The following ASTN2 variants were observed in gnomAD, a reference collection of about 807,000 sequenced individuals.
ASTN2 encodes astrotactin 2.
ASTN2 carries 54 observed loss-of-function variants against 139.8 expected under a neutral mutation model. The observed-to-expected ratio is 0.39, with a 90% confidence interval of 0.31 to 0.48. The LOEUF (loss-of-function observed/expected upper bound fraction) is 0.48. Ranked by LOEUF, ASTN2 falls within the 20% of genes least tolerant of loss-of-function variation. The pLI is 0.95. For missense variants in ASTN2, 1,565 were observed against 1,725.1 expected (o/e 0.91, Z 1.64); for synonymous variants, 756 against 719.5 (o/e 1.05, Z -0.81).
chr9:116,713,208 T>G (rs568023618), intron 16 of ASTN2, among the ~76,000 whole-genome samples: 8 of 152,318 alleles, frequency 5.3e-5, no homozygotes, highest in Non-Finnish European at 1.2e-4. Flanking sequence ...AGTTGTAAAC[T>G]TCAATGATTC....
chr9:117,369,776 G>T (rs1829941105), intron 1 of ASTN2, among the ~76,000 whole-genome samples: 1 of 152,058 alleles, frequency 6.6e-6, no homozygotes, highest in Non-Finnish European at 1.5e-5. Context: ...TTCTACTGAG[G>T]CAGGAAGATC....
intron 6 of ASTN2, among the ~76,000 whole-genome samples, chr9:117,033,719 A>G (rs1332608948): frequency 5.9e-5 from 9 of 152,178 alleles, no homozygotes; most frequent in Non-Finnish European, 2.9e-5. Flanking sequence ...AGAACCTTAG[A>G]CTGGGGGCTC....
intron 1 of ASTN2, among the ~76,000 whole-genome samples, chr9:117,371,202 T>C (rs1190125077): frequency 6.6e-6 from 1 of 152,106 alleles, no homozygotes; most frequent in Non-Finnish European, 1.5e-5. Context: ...CCCAGCTGGA[T>C]GTCCCTACAT....
intron 3 of ASTN2, among the ~76,000 whole-genome samples, chr9:117,203,211 T>C (rs1831788546): frequency 6.6e-6 from 1 of 152,012 alleles, no homozygotes; most frequent in African/African-American, 2.4e-5. Flanking sequence ...TTCTCTAAAC[T>C]GGTTACTCTA....
At chr9:117,066,085 G>T in intron 5 of ASTN2, among the ~76,000 whole-genome samples, 1 of 144,376 alleles carries the variant, frequency 6.9e-6, no homozygotes, top group Non-Finnish European at 1.5e-5. Context: ...AGTTACATAT[G>T]TATACATGTG....
At chr9:116,726,981 A>C (rs1388309642) in intron 15 of ASTN2, among the ~76,000 whole-genome samples, 2 of 150,082 alleles carry the variant, frequency 1.3e-5, no homozygotes, top group Non-Finnish European at 3.0e-5. Context: ...AATTTCTATC[A>C]TTCTATCTTT....
chr9:116,500,469 G>A (rs752873383), intron 19 of ASTN2, among the ~76,000 whole-genome samples: 1 of 152,196 alleles, frequency 6.6e-6, no homozygotes, highest in African/African-American at 2.4e-5. Context: ...TGTGAGCTGA[G>A]CCATGACTAA....
rs115399246 is a variant in ASTN2 at position 117,305,519 on chromosome 9, T to C, written c.443-14006A>G. Among the ~76,000 whole-genome samples, 454 of 152,298 alleles carry C rather than the reference T, an allele frequency of 3.0e-3. 2 individuals are homozygous for C. The highest frequency in any genetic ancestry group is 0.011 in the African/African-American group (445 of 41,566). On this transcript the variant is annotated intron_variant, in intron 1 of 22. Coordinates refer to ENST00000313400, the MANE Select transcript of ASTN2 (RefSeq NM_001365068.1). The stretch of plus-strand genomic sequence containing the variant: ...ACCTGGATTCCCACCTCTGCCACTC[T>C]ATTAGTTGAATAACCTTCCAGAAAT...
At chr9:117,203,780 G>T (rs1256781157) in intron 3 of ASTN2, among the ~76,000 whole-genome samples, 1 of 152,120 alleles carries the variant, frequency 6.6e-6, no homozygotes, top group African/African-American at 2.4e-5. Flanking sequence ...ATGCCAGTAG[G>T]TTCGCTCCTG....
chr9:117,355,260 A>G (rs1829507122), intron 1 of ASTN2, among the ~76,000 whole-genome samples: 1 of 152,228 alleles, frequency 6.6e-6, no homozygotes, highest in Non-Finnish European at 1.5e-5. Flanking sequence ...CACAAATGAA[A>G]TATTCAACTC....
chr9:117,328,883 G>A (rs1239129483), intron 1 of ASTN2, among the ~76,000 whole-genome samples: 2 of 152,200 alleles, frequency 1.3e-5, no homozygotes, highest in Non-Finnish European at 2.9e-5. Context: ...CTCATGGCGA[G>A]GAAAAGAAGA....
intron 4 of ASTN2, among the ~76,000 whole-genome samples, chr9:117,106,744 A>G (rs570117761): frequency 6.6e-6 from 1 of 152,166 alleles, no homozygotes; most frequent in East Asian, 1.9e-4. Flanking sequence ...TTGTTACTTG[A>G]GCATATCCTG....
intron 20 of ASTN2, among the ~76,000 whole-genome samples, chr9:116,486,409 CGAAT>C (rs1378818145): frequency 2.6e-5 from 4 of 151,544 alleles, no homozygotes; most frequent in African/African-American, 9.7e-5. Flanking sequence ...GATGAAGAGA[CGAAT>C]GGATGGAGGG....
At chr9:117,295,271 A>G (rs1309095671) in intron 1 of ASTN2, among the ~76,000 whole-genome samples, 3 of 152,156 alleles carry the variant, frequency 2.0e-5, no homozygotes, top group Admixed American at 6.5e-5. Flanking sequence ...GCAGGGAGCC[A>G]AGATTGCGCC....
intron 19 of ASTN2, among the ~76,000 whole-genome samples, chr9:116,513,455 T>G (rs1197079077): frequency 6.6e-6 from 1 of 152,144 alleles, no homozygotes; most frequent in African/African-American, 2.4e-5. Context: ...ATTTCAACTT[T>G]GGTGAATCTG....
In ASTN2 at chr9:116,942,105, CA is replaced by C. The variant is rs1434163993; in HGVS notation, c.1889+33102del. On this transcript the variant is annotated intron_variant, in intron 10 of 22. Transcript: ENST00000313400. ...ACGCACGCACGCACACACACACACACACACACACACCACACACACACACACA... is the reference window on the plus strand; with the variant it reads ...ACGCACGCACGCACACACACACACACCACACACACCACACACACACACACA... Among the ~76,000 whole-genome samples, 3 of 140,168 alleles carry C rather than the reference CA, an allele frequency of 2.1e-5. No individual in the cohort carries two copies. The East Asian group carries it at 6.2e-4, about 29-fold the overall frequency. The allele number at this position is 140,168 out of a possible 152,430, so 92.0% of individuals were successfully genotyped here. A position where few individuals can be genotyped will look rare whatever the true frequency, so the allele number is the denominator to read the frequency against.
At chr9:116,941,961 A>G (rs1465349504) in intron 10 of ASTN2, among the ~76,000 whole-genome samples, 1 of 149,072 alleles carries the variant, frequency 6.7e-6, no homozygotes, top group East Asian at 2.0e-4. Flanking sequence ...TGGCTTTGCT[A>G]CTGAAAGGCC....
chr9:116,799,215 CT>C (rs1455009708), intron 13 of ASTN2, among the ~76,000 whole-genome samples: 1 of 152,036 alleles, frequency 6.6e-6, no homozygotes, highest in Non-Finnish European at 1.5e-5. Flanking sequence ...TAAGAACTGA[CT>C]CAGTATCCTC....
chr9:116,625,120 C>T (rs1303665070), intron 17 of ASTN2, among the ~76,000 whole-genome samples: 1 of 152,102 alleles, frequency 6.6e-6, no homozygotes, highest in Non-Finnish European at 1.5e-5. Flanking sequence ...AACCCTCTAC[C>T]TTATAAGGCA....
Sources: gnomAD v4.1 joint callset for allele counts (sites outside exome capture counted in the v4.1 genomes callset) on GRCh38, gnomAD v4.1.1 for gene constraint, MANE v1.5 for transcripts, NCBI Gene and HGNC (gene_info 2026-07-23, HGNC 2026-07-21) for gene names.